ORC5: variants seen among roughly 807,000 people sequenced by gnomAD.
ORC5 encodes the protein protein phosphatase 1, regulatory subunit 117.
ORC5 carries 39 observed loss-of-function variants against 58.8 expected under a neutral mutation model. That is an observed-to-expected ratio of 0.66 (90% CI 0.51 to 0.87). The LOEUF (loss-of-function observed/expected upper bound fraction) is 0.87. Ranked by LOEUF, ORC5 falls within the 40% of genes least tolerant of loss-of-function variation. The pLI is 0.00. For synonymous variants in ORC5, 218 were observed against 177.6 expected (o/e 1.23, Z -1.81); for missense variants, 493 against 506.3 (o/e 0.97, Z 0.25).
intron 4 of ORC5, 34 bp downstream of exon 4, chr7:104,197,691 T>C (rs190858579): frequency 1.7e-5 from 24 of 1,404,080 alleles, no homozygotes; most frequent in African/African-American, 1.6e-4. Context: ...ATTGATTAAG[T>C]TGTGGGGAGA....
In ORC5 at chr7:104,208,001, G is replaced by A. The variant is rs1470852271; in HGVS notation, c.-97C>T. The A allele has an allele frequency of 1.2e-5, 14 of 1,190,776 alleles. No individual in the cohort carries two copies. The highest frequency in any genetic ancestry group is 1.5e-5 in the African/African-American group (1 of 65,408). 73.8% of individuals were successfully genotyped at this position (1,190,776 alleles called of 1,614,324 possible). A position where few individuals can be genotyped will look rare whatever the true frequency, so the allele number is the denominator to read the frequency against. ...GAGTCTGGCGGCCCACGCTCCCGCCGGAAACCGGACCCGCAGCGTCGTGGG... is the reference window on the plus strand; with the variant it reads ...GAGTCTGGCGGCCCACGCTCCCGCCAGAAACCGGACCCGCAGCGTCGTGGG... On this transcript the variant is annotated 5_prime_UTR_variant, in exon 1 of 14. Coordinates refer to ENST00000297431, the MANE Select transcript of ORC5 (RefSeq NM_002553.4).
chr7:104,166,617 G>A (rs1195549562), intron 10 of ORC5, among the ~76,000 whole-genome samples, 155 bp downstream of exon 10: 2 of 152,136 alleles, frequency 1.3e-5, no homozygotes, highest in Non-Finnish European at 1.5e-5. Flanking sequence ...TTGAGGTTGT[G>A]ACATTAATGT....
At chr7:104,190,715 T>C (rs1240636977) in intron 5 of ORC5, among the ~76,000 whole-genome samples, 1 of 151,940 alleles carries the variant, frequency 6.6e-6, no homozygotes, top group Non-Finnish European at 1.5e-5. Context: ...AGTTAAGAGC[T>C]CTTTGCATAT....
intron 12 of ORC5, among the ~76,000 whole-genome samples, chr7:104,157,541 G>A (rs1201710951): frequency 6.6e-6 from 1 of 151,856 alleles, no homozygotes; most frequent in Non-Finnish European, 1.5e-5. Flanking sequence ...ATACATTTTG[G>A]GCCAAGTTGT....
chr7:104,186,674 G>A (rs756449574), intron 6 of ORC5, among the ~76,000 whole-genome samples: 1 of 151,892 alleles, frequency 6.6e-6, no homozygotes, highest in Admixed American at 6.6e-5. Flanking sequence ...CAAGAAATAT[G>A]CCACTTACAA....
In ORC5 at chr7:104,188,217, CATATATAT is replaced by C; in HGVS notation, c.684+26_684+33del. ...GTATACACACACACACACACACACACATATATATATATTCAAGCAAAATGTTCATTTAC... is the reference window on the plus strand; with the variant it reads ...GTATACACACACACACACACACACACATATTCAAGCAAAATGTTCATTTAC... On this transcript the variant is annotated intron_variant, in intron 6 of 13. Transcript: ENST00000297431. 3 of 1,178,250 alleles carry C rather than the reference CATATATAT, an allele frequency of 2.5e-6. No individual in the cohort carries two copies. The African/African-American group carries it at 4.5e-5, about 18-fold the overall frequency. The allele number at this position is 1,178,250 out of a possible 1,614,324, so 73.0% of individuals were successfully genotyped here.
intron 8 of ORC5, among the ~76,000 whole-genome samples, chr7:104,171,467 G>C (rs1020783496): frequency 4.6e-5 from 7 of 152,074 alleles, no homozygotes; most frequent in African/African-American, 1.4e-4. Flanking sequence ...TTAATATATG[G>C]TGCTATTATG....
At chr7:104,170,496 G>A (rs892090070) in intron 8 of ORC5, among the ~76,000 whole-genome samples, 8 of 152,158 alleles carry the variant, frequency 5.3e-5, no homozygotes, top group Non-Finnish European at 4.4e-5. Context: ...GATGGAGAAT[G>A]GAACCACAAG....
intron 12 of ORC5, among the ~76,000 whole-genome samples, chr7:104,152,459 T>C (rs958846353): frequency 1.2e-4 from 18 of 152,330 alleles, no homozygotes; most frequent in Non-Finnish European, 1.9e-4. Flanking sequence ...TATTTTTAAA[T>C]GTACCACACA....
chr7:104,128,415 G>A (rs554945144), intron 13 of ORC5, among the ~76,000 whole-genome samples: 63 of 152,232 alleles, frequency 4.1e-4, no homozygotes, highest in African/African-American at 9.4e-4. Flanking sequence ...GAGCCACCGC[G>A]CCCAGCCAAC....
At chr7:104,173,839 TTTTTTC>T (rs770098196) in intron 8 of ORC5, among the ~76,000 whole-genome samples, 17,273 of 71,750 alleles carry the variant, frequency 0.24, 1,227 homozygotes, top group Non-Finnish European at 0.34. Flanking sequence ...GGGTTTAAAA[TTTTTTC>T]TTTTTTTTTT....
At chr7:104,161,241 G>C (rs1799017334) in intron 11 of ORC5, 59 bp from the exon 12 acceptor site, 2 of 909,652 alleles carry the variant, frequency 2.2e-6, no homozygotes, top group African/African-American at 3.3e-5. Context: ...CTCACTTTCT[G>C]TACTACAAAA....
At position 104,167,356 on chromosome 7, in the gene ORC5, A is replaced by C. The variant is rs1045643462; in HGVS notation, c.878-472T>G. Among the ~76,000 whole-genome samples the C allele has an allele frequency of 1.3e-5, 2 of 152,184 alleles. 1 individual carries two copies. Among genetic ancestry groups the C allele is most frequent in the Admixed American group, 1.3e-4 (2 of 15,282 alleles). Reference sequence around the variant, plus strand: ...TTAGAATACTTGTATATGCCAGTTGAACATCCCTAAATTCTGAAAAATCAA... The same window carrying C: ...TTAGAATACTTGTATATGCCAGTTGCACATCCCTAAATTCTGAAAAATCAA... On this transcript the variant is annotated intron_variant, in intron 9 of 13. Coordinates refer to ENST00000297431, the MANE Select transcript of ORC5 (RefSeq NM_002553.4).
intron 5 of ORC5, 62 bp from the exon 6 acceptor site, chr7:104,188,443 G>A: frequency 7.7e-7 from 1 of 1,304,126 alleles, no homozygotes; most frequent in Non-Finnish European, 1.0e-6. Flanking sequence ...ATATCTTCAA[G>A]CATTTTATAA....
rs575125533 is a variant in ORC5 at position 104,130,865 on chromosome 7, T to C, written c.1263-3972A>G. 2.6e-5 allele frequency among the ~76,000 whole-genome samples: 4 copies of C among 152,356 alleles called. No homozygotes were observed. In the South Asian group the frequency reaches 8.3e-4, roughly 32 times the overall value. Reference sequence around the variant, plus strand: ...ATCTATATGCTAGGCACTGAATTATTAGCCCCCGACTGGCTTTACTTCCTT... The same window carrying C: ...ATCTATATGCTAGGCACTGAATTATCAGCCCCCGACTGGCTTTACTTCCTT... On this transcript the variant is annotated intron_variant, in intron 13 of 13. Transcript: ENST00000297431.
At chr7:104,135,827 AATTTT>A (rs1477254593) in intron 13 of ORC5, among the ~76,000 whole-genome samples, 16 of 152,190 alleles carry the variant, frequency 1.1e-4, no homozygotes, top group South Asian at 6.2e-4. Context: ...TTTCATGACT[AATTTT>A]TAAAGGGTGC....
At position 104,126,381 on chromosome 7, in the gene ORC5, C is replaced by A. The variant is rs1401759298; in HGVS notation, c.*467G>T. The A allele has an allele frequency of 6.5e-6, 1 of 153,266 alleles. No individual in the cohort carries two copies. Among genetic ancestry groups the A allele is most frequent in the Non-Finnish European group, 1.5e-5 (1 of 68,536 alleles). The allele number at this position is 153,266 out of a possible 1,614,324, so 9.5% of individuals were successfully genotyped here. ...AACTTGTATTTATTATATTTTGCAA[C>A]TATGATCTTTTAAAACAGTGGCCTT... is the stretch of plus-strand genomic sequence containing the variant. On this transcript the variant is annotated 3_prime_UTR_variant, in exon 14 of 14. Coordinates refer to ENST00000297431, the MANE Select transcript of ORC5 (RefSeq NM_002553.4).
At chr7:104,155,688 C>CTT (rs1798914736) in intron 12 of ORC5, among the ~76,000 whole-genome samples, 1 of 146,680 alleles carries the variant, frequency 6.8e-6, no homozygotes, top group East Asian at 2.0e-4. Flanking sequence ...ATTTTATTCT[C>CTT]TGGGAAAAAA....
intron 2 of ORC5, among the ~76,000 whole-genome samples, chr7:104,202,084 C>T (rs1799958993): frequency 6.9e-6 from 1 of 144,320 alleles, no homozygotes; most frequent in African/African-American, 2.6e-5. Context: ...AGCAAGACCC[C>T]ATTTAAAAAC....
Sources: gnomAD v4.1 joint callset for allele counts (sites outside exome capture counted in the v4.1 genomes callset) on GRCh38, gnomAD v4.1.1 for gene constraint, MANE v1.5 for transcripts, NCBI Gene and HGNC (gene_info 2026-07-23, HGNC 2026-07-21) for gene names.